SGCZ: variants seen among roughly 807,000 people sequenced by gnomAD.
SGCZ encodes sarcoglycan zeta.
Under a neutral mutation model 41.3 loss-of-function variants are expected in SGCZ, and 40 were observed. That is an observed-to-expected ratio of 0.97 (90% CI 0.75 to 1.26). The LOEUF (loss-of-function observed/expected upper bound fraction) is 1.26. Ranked by LOEUF, SGCZ falls within the 50% of genes most tolerant of loss-of-function variation. SGCZ has a pLI of 0.00. For missense variants in SGCZ, 552 were observed against 369.8 expected, an observed-to-expected ratio of 1.49 and a Z score of -4.04; for synonymous variants, 206 against 137.5, an observed-to-expected ratio of 1.50 and a Z score of -3.49.
intron 1 of SGCZ, among the ~76,000 whole-genome samples, chr8:14,737,023 A>G (rs1799057119): frequency 6.6e-6 from 1 of 150,730 alleles, no homozygotes; most frequent in Admixed American, 6.6e-5. Context: ...GTATATAGAT[A>G]TATATATTAT....
intron 1 of SGCZ, among the ~76,000 whole-genome samples, chr8:14,652,998 G>A (rs1161210063): frequency 6.6e-6 from 1 of 152,022 alleles, no homozygotes; most frequent in Non-Finnish European, 1.5e-5. Context: ...TCAGATACAT[G>A]CAATTGTTAA....
intron 2 of SGCZ, among the ~76,000 whole-genome samples, chr8:14,353,861 T>C (rs987236099): frequency 3.3e-5 from 5 of 152,110 alleles, no homozygotes; most frequent in Non-Finnish European, 1.5e-5. Context: ...CTTGATTTCA[T>C]TATGTTCATC....
chr8:14,655,009 A>G (rs1446162395), intron 1 of SGCZ, among the ~76,000 whole-genome samples: 1 of 152,058 alleles, frequency 6.6e-6, no homozygotes, highest in East Asian at 1.9e-4. Context: ...CATTAGGTGT[A>G]TATTTCAGGA....
intron 1 of SGCZ, among the ~76,000 whole-genome samples, chr8:14,865,987 A>C (rs1803917421): frequency 6.6e-6 from 1 of 152,072 alleles, no homozygotes; most frequent in African/African-American, 2.4e-5. Flanking sequence ...GTTTCTGGAG[A>C]AAATTGGGTT....
At position 14,126,773 on chromosome 8, in the gene SGCZ, G is replaced by T. The variant is rs530903456; in HGVS notation, c.548-18538C>A. Among the ~76,000 whole-genome samples the T allele has an allele frequency of 5.3e-5, 8 of 152,248 alleles. No individual in the cohort carries two copies. In the East Asian group the frequency reaches 1.2e-3, roughly 22 times the overall value. Reference sequence around the variant, plus strand: ...TCATCAACTGGGTAAAGAAAATGTGGTGCATATACACCACGGAATACTATG... The same window carrying T: ...TCATCAACTGGGTAAAGAAAATGTGTTGCATATACACCACGGAATACTATG... On this transcript the variant is annotated intron_variant, in intron 5 of 7. Coordinates refer to ENST00000382080, the MANE Select transcript of SGCZ (RefSeq NM_139167.4).
intron 1 of SGCZ, among the ~76,000 whole-genome samples, chr8:14,745,776 G>T (rs908226405): frequency 4.6e-5 from 7 of 151,938 alleles, no homozygotes; most frequent in Admixed American, 4.6e-4. Flanking sequence ...GGAAAAATCT[G>T]TTCCCATCAA....
chr8:15,049,828 G>C (rs1804449061), intron 1 of SGCZ, among the ~76,000 whole-genome samples: 1 of 152,100 alleles, frequency 6.6e-6, no homozygotes, highest in Admixed American at 6.6e-5. Context: ...CATGAGATCT[G>C]ATGGTTTTAT....
At chr8:15,121,982 T>A (rs112887881) in intron 1 of SGCZ, among the ~76,000 whole-genome samples, 3 of 151,348 alleles carry the variant, frequency 2.0e-5, no homozygotes, top group Non-Finnish European at 2.9e-5. Context: ...GGTATATTGA[T>A]GTGTAGGGAT....
intron 1 of SGCZ, among the ~76,000 whole-genome samples, chr8:14,687,162 G>GAAAA (rs376743258): frequency 5.9e-5 from 8 of 136,384 alleles, no homozygotes; most frequent in Admixed American, 2.4e-4. Context: ...TCACTTTAAA[G>GAAAA]AAAAAAAAAA....
chr8:14,368,851 A>G (rs942855482), intron 2 of SGCZ, among the ~76,000 whole-genome samples: 4 of 151,676 alleles, frequency 2.6e-5, no homozygotes, highest in South Asian at 2.1e-4. Flanking sequence ...AGTTACATAT[A>G]CTTGTTGCAA....
At chr8:14,365,342 A>ATAC (rs1803662904) in intron 2 of SGCZ, among the ~76,000 whole-genome samples, 2 of 152,106 alleles carry the variant, frequency 1.3e-5, no homozygotes, top group African/African-American at 4.8e-5. Flanking sequence ...TTGTATTACA[A>ATAC]AATATTTTCT....
intron 1 of SGCZ, among the ~76,000 whole-genome samples, chr8:14,596,360 A>G (rs10093170): frequency 0.39 from 59,982 of 151,970 alleles, 12,924 homozygotes; most frequent in Middle Eastern, 0.49. Context: ...GACATGAATG[A>G]CTTGAATCTT....
intron 1 of SGCZ, among the ~76,000 whole-genome samples, chr8:14,820,684 A>C (rs1708131304): frequency 6.6e-6 from 1 of 152,040 alleles, no homozygotes; most frequent in Admixed American, 6.6e-5. Context: ...TCAACAAGAA[A>C]AACTTCAGAA....
intron 1 of SGCZ, among the ~76,000 whole-genome samples, chr8:14,793,228 G>A (rs773981403): frequency 2.6e-5 from 4 of 152,056 alleles, no homozygotes; most frequent in East Asian, 3.9e-4. Flanking sequence ...ACTGTCTACC[G>A]CTTTGCTCAA....
chr8:14,667,414 A>C (rs1171920018), intron 1 of SGCZ, among the ~76,000 whole-genome samples: 1 of 152,180 alleles, frequency 6.6e-6, no homozygotes, highest in African/African-American at 2.4e-5. Flanking sequence ...AAAATGTGGG[A>C]TATCACAGCA....
chr8:14,247,537 G>A (rs1246072628), intron 3 of SGCZ, among the ~76,000 whole-genome samples: 1 of 152,152 alleles, frequency 6.6e-6, no homozygotes, highest in African/African-American at 2.4e-5. Flanking sequence ...TCCTAAAAGG[G>A]AATAGTACTA....
intron 7 of SGCZ, among the ~76,000 whole-genome samples, chr8:14,095,655 T>C (rs1459832713): frequency 6.6e-5 from 10 of 152,204 alleles, no homozygotes; most frequent in Non-Finnish European, 5.9e-5. Context: ...CAATGGCAGC[T>C]TGATGGGGAT....
At chr8:14,730,958 A>G (rs1004031218) in intron 1 of SGCZ, among the ~76,000 whole-genome samples, 24 of 151,796 alleles carry the variant, frequency 1.6e-4, no homozygotes, top group African/African-American at 5.6e-4. Flanking sequence ...TAGTTCAACC[A>G]TTGTGGAAGA....
chr8:14,284,510 A>C (rs1005784442), intron 3 of SGCZ, among the ~76,000 whole-genome samples: 3 of 152,106 alleles, frequency 2.0e-5, no homozygotes, highest in Non-Finnish European at 4.4e-5. Context: ...CCATGCCTTT[A>C]GATTTAAACT....
Sources: allele counts gnomAD v4.1 joint callset (sites outside exome capture counted in the v4.1 genomes callset), GRCh38; gene constraint gnomAD v4.1.1; transcripts MANE v1.5; gene names NCBI Gene and HGNC (gene_info 2026-07-23, HGNC 2026-07-21).